API5: variants seen among roughly 807,000 people sequenced by gnomAD.
API5 encodes apoptosis inhibitor 5.
API5 carries 6 observed loss-of-function variants against 71.9 expected under a neutral mutation model. The observed-to-expected ratio is 0.08, with a 90% CI of 0.05 to 0.16. The LOEUF (loss-of-function observed/expected upper bound fraction) is 0.16, where lower values mean the gene tolerates loss of function less well. API5 is among the 10% of genes least tolerant of loss of function. API5 has a pLI of 1.00. For missense variants in API5, 332 were observed against 612.8 expected (o/e 0.54, Z 4.84); for synonymous variants, 189 against 221.3 (o/e 0.85, Z 1.30).
chr11:43,337,180 G>T (rs1855464797), intron 13 of API5, among the ~76,000 whole-genome samples: 1 of 151,944 alleles, frequency 6.6e-6, no homozygotes, highest in South Asian at 2.1e-4. Flanking sequence ...TTAAAAATTA[G>T]TTGGGTATGG....
At chr11:43,329,774 G>A (rs1040275613) in intron 9 of API5, among the ~76,000 whole-genome samples, 191 bp from the exon 10 acceptor site, 5 of 152,140 alleles carry the variant, frequency 3.3e-5, no homozygotes, top group Non-Finnish European at 5.9e-5. Flanking sequence ...GTCCTGTACT[G>A]TGTGGTAAGG....
intron 13 of API5, among the ~76,000 whole-genome samples, chr11:43,339,800 A>G (rs937908667): frequency 1.3e-5 from 2 of 152,220 alleles, no homozygotes; most frequent in Non-Finnish European, 2.9e-5. Context: ...TATTGCATTC[A>G]AAGGGACATT....
intron 13 of API5, among the ~76,000 whole-genome samples, chr11:43,341,951 T>G (rs1855630150): frequency 6.6e-6 from 1 of 150,920 alleles, no homozygotes; most frequent in South Asian, 2.1e-4. Flanking sequence ...CAGTTTGAGA[T>G]CAGCCTGGCA....
At chr11:43,330,647 T>C (rs1590263604) in intron 11 of API5, 83 bp downstream of exon 11, 3 of 1,125,980 alleles carry the variant, frequency 2.7e-6, no homozygotes, top group East Asian at 4.9e-5. Context: ...CATAAGATAC[T>C]TCCAACAAAG....
rs971300643 is a variant in API5 at position 43,343,239 on chromosome 11, CTT to C, written c.*730_*731del. On this transcript the variant is annotated 3_prime_UTR_variant, in exon 14 of 14. Coordinates refer to ENST00000531273, the MANE Select transcript of API5 (RefSeq NM_001142930.2). ...ATATATATATATGCATGCTGTGAAA[CTT>C]GACTACACAACATAAATCACTTTTT... The C allele has an allele frequency of 1.3e-5, 2 of 152,070 alleles. No homozygotes were observed. Among genetic ancestry groups the C allele is most frequent in the African/African-American group, 4.8e-5 (2 of 41,262 alleles). 9.4% of individuals were successfully genotyped at this position (152,070 alleles called of 1,614,324 possible). A position where few individuals can be genotyped will look rare whatever the true frequency, so the allele number is the denominator to read the frequency against.
At chr11:43,324,466 T>C (rs1287427384) in intron 6 of API5, among the ~76,000 whole-genome samples, 2 of 152,142 alleles carry the variant, frequency 1.3e-5, no homozygotes, top group African/African-American at 4.8e-5. Context: ...GGAACTATCC[T>C]AGAGCAGGCG....
At chr11:43,322,957 A>AG (rs1306226045) in intron 5 of API5, among the ~76,000 whole-genome samples, 1 of 152,214 alleles carries the variant, frequency 6.6e-6, no homozygotes, top group Non-Finnish European at 1.5e-5. Flanking sequence ...GAGACTTGCA[A>AG]GGTGACCTAT....
Position 43,319,283 on chromosome 11 carries a change from G to A in API5, c.231+482G>A, listed in dbSNP as rs546107318. 2.6e-5 allele frequency among the ~76,000 whole-genome samples: 4 copies of A among 152,132 alleles called. No homozygotes were observed. In the East Asian group the frequency reaches 7.7e-4, roughly 29 times the overall value. On this transcript the variant is annotated intron_variant, in intron 2 of 13. Transcript: ENST00000531273. ...TAGTTTTTGTTTTTTGGTTTTTGGG[G>A]GGTTTTTTGGAACAGAATTAACCAG...
At chr11:43,323,847 G>A (rs1854977447) in intron 6 of API5, among the ~76,000 whole-genome samples, 1 of 152,080 alleles carries the variant, frequency 6.6e-6, no homozygotes. Flanking sequence ...GCTTTAATGA[G>A]CATTTCCTTT....
chr11:43,321,926 G>A, intron 4 of API5, 59 bp from the exon 5 acceptor site: 1 of 1,474,054 alleles, frequency 6.8e-7, no homozygotes, highest in South Asian at 1.4e-5. Context: ...TGAGTTAAAT[G>A]GGAAAACACC....
chr11:43,334,246 A>C (rs1855354275), intron 11 of API5, among the ~76,000 whole-genome samples: 1 of 152,104 alleles, frequency 6.6e-6, no homozygotes, highest in Non-Finnish European at 1.5e-5. Context: ...CTAATTTCAC[A>C]ACTTCATTTT....
chr11:43,312,531 G>C (rs1039618773), intron 1 of API5, among the ~76,000 whole-genome samples: 4 of 152,090 alleles, frequency 2.6e-5, no homozygotes, highest in African/African-American at 7.2e-5. Context: ...TCTCCTTTTC[G>C]GTGGAGCTCA....
rs577423188 is a variant in API5 at position 43,322,121 on chromosome 11, A to G, written c.528A>G (p.Leu176=). 1.6e-5 allele frequency: 26 copies of G among 1,601,084 alleles called. No homozygotes were observed. The South Asian group carries it at 2.5e-4, about 15-fold the overall frequency. ...CAAAGGAAGTGGAAGAGCTTATACT[A>G]ACTGAATCCAAAAAGGTGAGCTTTG... ...VLTKEVEELI[L]TESKKVLEDV... is the part of the protein sequence containing the mutation. The change falls in exon 5 of 14, where the codon CTA becomes CTG. Residue 176 remains leucine (L), a synonymous_variant. Coordinates refer to ENST00000531273, the MANE Select transcript of API5 (RefSeq NM_001142930.2).
intron 11 of API5, among the ~76,000 whole-genome samples, chr11:43,332,802 T>A (rs1213399051): frequency 6.6e-6 from 1 of 152,136 alleles, no homozygotes; most frequent in African/African-American, 2.4e-5. Flanking sequence ...TGGTGTTAAA[T>A]CAGCCCCTTT....
intron 1 of API5, among the ~76,000 whole-genome samples, chr11:43,317,101 CAT>C (rs1449809216): frequency 9.9e-5 from 15 of 152,172 alleles, no homozygotes; most frequent in Non-Finnish European, 4.4e-5. Flanking sequence ...GAAGTAAGCT[CAT>C]GTGTCTAAAG....
At chr11:43,319,877 CTATAT>C (rs1405229846) in intron 2 of API5, among the ~76,000 whole-genome samples, 3 of 152,058 alleles carry the variant, frequency 2.0e-5, no homozygotes, top group Non-Finnish European at 4.4e-5. Flanking sequence ...TTTAGGAATA[CTATAT>C]TATAAGCCCA....
At chr11:43,328,109 CTG>C (rs745313205) in intron 8 of API5, among the ~76,000 whole-genome samples, 23 of 152,126 alleles carry the variant, frequency 1.5e-4, no homozygotes, top group Non-Finnish European at 2.8e-4. Context: ...ATCAGCATCA[CTG>C]AGTGATTTTC....
chr11:43,333,181 C>T (rs750028771), intron 11 of API5, among the ~76,000 whole-genome samples: 4 of 152,104 alleles, frequency 2.6e-5, no homozygotes, highest in Non-Finnish European at 5.9e-5. Context: ...TGAAGGACCC[C>T]CATGGATACC....
chr11:43,336,162 C>G, intron 13 of API5, 168 bp downstream of exon 13: 2 of 860,634 alleles, frequency 2.3e-6, no homozygotes, highest in Non-Finnish European at 3.4e-6. Context: ...CCATTCCTCT[C>G]TCATTCACCC....
Sources: allele counts gnomAD v4.1 joint callset (sites outside exome capture counted in the v4.1 genomes callset), GRCh38; gene constraint gnomAD v4.1.1; transcripts MANE v1.5; gene names NCBI Gene and HGNC (gene_info 2026-07-23, HGNC 2026-07-21).